Variants in GAS2 observed in about 807,000 individuals in gnomAD.
GAS2 encodes growth arrest-specific protein 2.
A neutral mutation model predicts 37.5 loss-of-function variants in GAS2; 20 were observed. That is an observed-to-expected ratio of 0.53 (90% CI 0.37 to 0.77). GAS2 has a LOEUF of 0.77. Among genes scored for constraint, GAS2 ranks in the 30% least tolerant of loss-of-function variants. The pLI, the probability that GAS2 is intolerant of heterozygous loss-of-function variation, is 0.00. For missense variants in GAS2, 336 were observed against 373.4 expected, an observed-to-expected ratio of 0.90 and a Z score of 0.82; for synonymous variants, 144 against 132.2, an observed-to-expected ratio of 1.09 and a Z score of -0.61.
chr11:22,767,828 G>A lies in GAS2; in HGVS notation c.723+11875G>A, dbSNP rs561710116. Among the ~76,000 whole-genome samples the A allele has an allele frequency of 6.6e-5, 10 of 152,232 alleles. No individual in the cohort carries two copies. The South Asian group carries it at 2.1e-3, about 32-fold the overall frequency. On this transcript the variant is annotated intron_variant, in intron 7 of 7. Coordinates refer to ENST00000454584, the MANE Select transcript of GAS2 (RefSeq NM_001143830.3). ...TTACAAGATTCACTATGATAAATTAGGATTCATTTATTTAGTGCTATCTTT... is the reference window on the plus strand; with the variant it reads ...TTACAAGATTCACTATGATAAATTAAGATTCATTTATTTAGTGCTATCTTT...
intron 3 of GAS2, among the ~76,000 whole-genome samples, chr11:22,699,664 A>G (rs1170188813): frequency 2.0e-5 from 3 of 152,146 alleles, no homozygotes; most frequent in African/African-American, 7.2e-5. Flanking sequence ...GGTTGAAATC[A>G]TAACTCCTCC....
chr11:22,701,728 C>T (rs1166894711), intron 3 of GAS2, among the ~76,000 whole-genome samples: 1 of 152,002 alleles, frequency 6.6e-6, no homozygotes, highest in Non-Finnish European at 1.5e-5. Context: ...ACTCTGGACG[C>T]TGAGGGAGGA....
chr11:22,691,689 A>T (rs1055404495), intron 3 of GAS2, among the ~76,000 whole-genome samples: 2 of 152,216 alleles, frequency 1.3e-5, no homozygotes, highest in Non-Finnish European at 2.9e-5. Context: ...TGTAGAAAGA[A>T]ATAATTTTTT....
intron 3 of GAS2, among the ~76,000 whole-genome samples, chr11:22,711,831 CCA>C (rs1565102691): frequency 1.3e-5 from 2 of 152,266 alleles, no homozygotes; most frequent in East Asian, 3.9e-4. Context: ...CCAAAAACCC[CCA>C]CAGTGGCTGC....
In GAS2 at chr11:22,811,857, G is replaced by C. The variant is rs757674543; in HGVS notation, c.783G>C (p.Gly261=). ...RVGGGWETFA[G]YLLKHDPCRM... ...GAGGAGGCTGGGAAACTTTTGCAGGGTATTTGTTGAAACACGACCCCTGCC... is the reference window on the plus strand; with the variant it reads ...GAGGAGGCTGGGAAACTTTTGCAGGCTATTTGTTGAAACACGACCCCTGCC... Residue 261 remains glycine (G), a synonymous_variant, in exon 8 of 8, where the codon GGG becomes GGC. Transcript: ENST00000454584. 6 of 1,614,098 alleles carry C rather than the reference G, an allele frequency of 3.7e-6. No homozygotes were observed. In the Admixed American group the frequency reaches 1.0e-4, roughly 27 times the overall value.
At chr11:22,708,112 T>C (rs1019942934) in intron 3 of GAS2, among the ~76,000 whole-genome samples, 3 of 151,830 alleles carry the variant, frequency 2.0e-5, no homozygotes, top group Admixed American at 2.0e-4. Context: ...AAAGAAGGGA[T>C]GAAGGAAGAA....
At chr11:22,808,506 T>C (rs192649332) in intron 7 of GAS2, among the ~76,000 whole-genome samples, 183 of 152,336 alleles carry the variant, frequency 1.2e-3, no homozygotes, top group Non-Finnish European at 1.0e-3. Context: ...TACTATGGAT[T>C]CATTAAGAAA....
intron 3 of GAS2, among the ~76,000 whole-genome samples, chr11:22,697,798 T>A (rs1037320574): frequency 3.9e-5 from 6 of 152,348 alleles, no homozygotes; most frequent in African/African-American, 1.2e-4. Context: ...TGATTTTGTA[T>A]CCTGAGACTT....
At chr11:22,698,943 A>T (rs1850683964) in intron 3 of GAS2, among the ~76,000 whole-genome samples, 1 of 152,042 alleles carries the variant, frequency 6.6e-6, no homozygotes, top group Admixed American at 6.6e-5. Flanking sequence ...GCTTTATTTT[A>T]TTAGGCTAAA....
At position 22,811,705 on chromosome 11, in the gene GAS2, A is replaced by C. The variant is rs182662695; in HGVS notation, c.724-93A>C. ...GAAAAACAATGGGTCATGAAATACAAACCAAAACACTAATTTCACTAGAAC... is the reference window on the plus strand; with the variant it reads ...GAAAAACAATGGGTCATGAAATACACACCAAAACACTAATTTCACTAGAAC... On this transcript the variant is annotated intron_variant, in intron 7 of 7. Coordinates refer to ENST00000454584, the MANE Select transcript of GAS2 (RefSeq NM_001143830.3). 3.6e-5 allele frequency: 45 copies of C among 1,245,794 alleles called. No individual in the cohort carries two copies. The African/African-American group carries it at 5.3e-4, about 15-fold the overall frequency. The allele number at this position is 1,245,794 out of a possible 1,614,324, so 77.2% of individuals were successfully genotyped here.
chr11:22,627,566 C>G (rs1858680015), intron 1 of GAS2, among the ~76,000 whole-genome samples: 1 of 152,140 alleles, frequency 6.6e-6, no homozygotes, highest in African/African-American at 2.4e-5. Context: ...GTCAGGAGTT[C>G]CAGACCAGCC....
At chr11:22,768,914 A>C (rs527782358) in intron 7 of GAS2, among the ~76,000 whole-genome samples, 41 of 152,352 alleles carry the variant, frequency 2.7e-4, no homozygotes, top group African/African-American at 7.2e-4. Context: ...TTCCAGAACC[A>C]TGACATGCAG....
At chr11:22,766,292 A>C (rs1416391995) in intron 7 of GAS2, among the ~76,000 whole-genome samples, 1 of 143,922 alleles carries the variant, frequency 6.9e-6, no homozygotes, top group Non-Finnish European at 1.5e-5. Context: ...CACTGTTGTT[A>C]TCCTCATAGT....
chr11:22,632,377 A>G (rs1359454847), intron 1 of GAS2, among the ~76,000 whole-genome samples: 2 of 152,210 alleles, frequency 1.3e-5, no homozygotes, highest in African/African-American at 4.8e-5. Context: ...AAATAGGACC[A>G]TAGCCCTTTC....
chr11:22,646,027 G>A (rs1035202699), intron 1 of GAS2, among the ~76,000 whole-genome samples: 2 of 151,716 alleles, frequency 1.3e-5, no homozygotes, highest in Admixed American at 1.3e-4. Context: ...ATTTTTAGTA[G>A]ACACGGGGTT....
intron 1 of GAS2, among the ~76,000 whole-genome samples, chr11:22,629,468 A>G (rs1858715135): frequency 6.6e-6 from 1 of 152,062 alleles, no homozygotes; most frequent in Non-Finnish European, 1.5e-5. Flanking sequence ...GCCAACATCT[A>G]TTGTTCTTTG....
chr11:22,791,883 A>G (rs1856182714), intron 7 of GAS2, among the ~76,000 whole-genome samples: 1 of 152,354 alleles, frequency 6.6e-6, no homozygotes, highest in Non-Finnish European at 1.5e-5. Context: ...GAAAACAATT[A>G]GGAAATATAA....
chr11:22,728,592 T>A (rs993717861), intron 4 of GAS2, among the ~76,000 whole-genome samples: 1 of 151,546 alleles, frequency 6.6e-6, no homozygotes, highest in Non-Finnish European at 1.5e-5. Context: ...TATAAAAATT[T>A]AAAAATCTTT....
At chr11:22,738,032 T>A (rs902875922) in intron 5 of GAS2, among the ~76,000 whole-genome samples, 1 of 152,180 alleles carries the variant, frequency 6.6e-6, no homozygotes, top group Non-Finnish European at 1.5e-5. Context: ...AAAACTTTCC[T>A]GGGGAGGGGA....
Sources: allele counts gnomAD v4.1 joint callset (sites outside exome capture counted in the v4.1 genomes callset), GRCh38; gene constraint gnomAD v4.1.1; transcripts MANE v1.5; gene names NCBI Gene and HGNC (gene_info 2026-07-23, HGNC 2026-07-21).